Variants in SETBP1 observed in about 807,000 individuals in gnomAD.
SETBP1 encodes the protein SET-binding protein.
A neutral mutation model predicts 101.0 loss-of-function variants in SETBP1; 9 were observed. The observed-to-expected ratio is 0.09, with a 90% CI of 0.05 to 0.16. The LOEUF (loss-of-function observed/expected upper bound fraction) is 0.16. SETBP1 is among the 10% of genes least tolerant of loss of function. The probability of loss-of-function intolerance (pLI) is 1.00; values close to 1 mark genes in which losing one functional copy is unlikely to be tolerated. For missense variants in SETBP1, 1,858 were observed against 2,033.8 expected (o/e 0.91, Z 1.66); for synonymous variants, 818 against 788.5 (o/e 1.04, Z -0.63).
intron 3 of SETBP1, among the ~76,000 whole-genome samples, chr18:44,879,108 G>A (rs1299977717): frequency 6.6e-6 from 1 of 152,192 alleles, no homozygotes; most frequent in East Asian, 1.9e-4. Context: ...GATACATGGA[G>A]GGGAAAGCTT....
At chr18:44,718,037 A>G (rs541656432) in intron 2 of SETBP1, among the ~76,000 whole-genome samples, 1 of 152,322 alleles carries the variant, frequency 6.6e-6, no homozygotes, top group African/African-American at 2.4e-5. Context: ...TACTCCTGAA[A>G]CTAATAAGAG....
At chr18:44,747,258 G>A (rs1437515202) in intron 2 of SETBP1, among the ~76,000 whole-genome samples, 1 of 152,182 alleles carries the variant, frequency 6.6e-6, no homozygotes, top group African/African-American at 2.4e-5. Flanking sequence ...CTTCATGTGG[G>A]TTAACAATCT....
At chr18:45,018,296 A>T (rs1489907539) in intron 4 of SETBP1, among the ~76,000 whole-genome samples, 2 of 152,248 alleles carry the variant, frequency 1.3e-5, no homozygotes, top group African/African-American at 2.4e-5. Flanking sequence ...CTTGTAAAAC[A>T]TTCCTTATGC....
intron 4 of SETBP1, among the ~76,000 whole-genome samples, chr18:45,004,768 C>T (rs2072689901): frequency 6.6e-6 from 1 of 152,212 alleles, no homozygotes; most frequent in African/African-American, 2.4e-5. Context: ...TTATTTCCCT[C>T]GGCTGCTGGA....
At chr18:44,824,750 G>A (rs951038711) in intron 2 of SETBP1, among the ~76,000 whole-genome samples, 5 of 152,226 alleles carry the variant, frequency 3.3e-5, no homozygotes, top group Non-Finnish European at 5.9e-5. Flanking sequence ...AAAAGAAGGG[G>A]ATGGGAAGAG....
chr18:44,730,249 A>G (rs1436345934), intron 2 of SETBP1, among the ~76,000 whole-genome samples: 4 of 152,212 alleles, frequency 2.6e-5, no homozygotes, highest in Non-Finnish European at 5.9e-5. Flanking sequence ...AACAAGTTTT[A>G]TTCTGTCTAT....
chr18:44,687,281 G>A (rs1351390876), intron 1 of SETBP1, among the ~76,000 whole-genome samples: 1 of 152,192 alleles, frequency 6.6e-6, no homozygotes, highest in East Asian at 1.9e-4. Context: ...CTAAAATTCT[G>A]TGATTCTATA....
intron 4 of SETBP1, among the ~76,000 whole-genome samples, chr18:45,034,660 T>C (rs1417003019): frequency 1.3e-5 from 2 of 152,192 alleles, no homozygotes; most frequent in African/African-American, 4.8e-5. Context: ...ATCCACAAAG[T>C]TATTAGCATT....
chr18:44,937,764 C>T (rs1222316442), intron 3 of SETBP1, among the ~76,000 whole-genome samples: 1 of 152,116 alleles, frequency 6.6e-6, no homozygotes, highest in Non-Finnish European at 1.5e-5. Context: ...AATCAATCTG[C>T]GTTTCGGCAG....
intron 2 of SETBP1, among the ~76,000 whole-genome samples, chr18:44,826,763 G>A (rs2072248664): frequency 6.6e-6 from 1 of 152,130 alleles, no homozygotes; most frequent in African/African-American, 2.4e-5. Flanking sequence ...CTGCGGGTGG[G>A]GAGGAGTAGT....
In SETBP1 at chr18:44,741,515, A is replaced by AT. The variant is rs1034949231; in HGVS notation, c.486+39689dup. 4.6e-5 allele frequency among the ~76,000 whole-genome samples: 7 copies of AT among 152,036 alleles called. No individual in the cohort carries two copies. In the East Asian group the frequency reaches 9.7e-4, roughly 21 times the overall value. ...CCATGACCCTAGATGCTGAAGATCT[A>AT]TTTTTTACCATCATCTTTCTTACTG... On this transcript the variant is annotated intron_variant, in intron 2 of 5. Transcript: ENST00000649279.
intron 2 of SETBP1, among the ~76,000 whole-genome samples, chr18:44,751,772 T>C (rs1464807984): frequency 6.6e-6 from 1 of 152,214 alleles, no homozygotes; most frequent in African/African-American, 2.4e-5. Flanking sequence ...CAGGCTGCTA[T>C]AACAATATAC....
At chr18:44,789,727 G>A (rs373411498) in intron 2 of SETBP1, among the ~76,000 whole-genome samples, 6 of 152,190 alleles carry the variant, frequency 3.9e-5, no homozygotes, top group African/African-American at 1.2e-4. Context: ...GAAGGGAGTA[G>A]GATGGATATT....
At chr18:45,029,227 T>G (rs2073237388) in intron 4 of SETBP1, among the ~76,000 whole-genome samples, 1 of 152,208 alleles carries the variant, frequency 6.6e-6, no homozygotes, top group Non-Finnish European at 1.5e-5. Flanking sequence ...GCTTTCTACA[T>G]ATGGCTAGCC....
chr18:44,906,368 G>A (rs976547666), intron 3 of SETBP1, among the ~76,000 whole-genome samples: 5 of 152,238 alleles, frequency 3.3e-5, no homozygotes, highest in Non-Finnish European at 4.4e-5. Context: ...TTTGTCCTTA[G>A]TGTTTGTGTG....
At chr18:44,863,605 T>G (rs1176617261) in intron 2 of SETBP1, among the ~76,000 whole-genome samples, 2 of 152,218 alleles carry the variant, frequency 1.3e-5, no homozygotes, top group African/African-American at 4.8e-5. Context: ...GAGAAAAAGA[T>G]TCATTTCCTA....
chr18:44,721,723 G>A (rs764336541), intron 2 of SETBP1, among the ~76,000 whole-genome samples: 4 of 152,172 alleles, frequency 2.6e-5, no homozygotes, highest in African/African-American at 4.8e-5. Flanking sequence ...GTGGATGAAC[G>A]AGTTGCACTT....
At chr18:44,962,236 C>A (rs922225069) in intron 4 of SETBP1, among the ~76,000 whole-genome samples, 2 of 152,126 alleles carry the variant, frequency 1.3e-5, no homozygotes, top group East Asian at 3.9e-4. Flanking sequence ...CAAAGTCTTG[C>A]GGCAGAAGCT....
intron 2 of SETBP1, among the ~76,000 whole-genome samples, chr18:44,864,597 G>T (rs1158171272): frequency 1.2e-4 from 18 of 152,086 alleles, no homozygotes; most frequent in Non-Finnish European, 1.5e-5. Flanking sequence ...ATTGGTTTGA[G>T]CAGGGCCCCA....
Sources: allele counts gnomAD v4.1 joint callset (sites outside exome capture counted in the v4.1 genomes callset), GRCh38; gene constraint gnomAD v4.1.1; transcripts MANE v1.5; gene names NCBI Gene and HGNC (gene_info 2026-07-23, HGNC 2026-07-21).